The following FBXL17 variants were observed in gnomAD, a reference collection of about 807,000 sequenced individuals.
FBXL17 encodes the protein F-box and leucine rich repeat protein 17.
In FBXL17, 22 loss-of-function variants were observed where a neutral mutation model predicts 66.2. The ratio of observed to expected loss-of-function variants is 0.33; its 90% CI spans 0.24 to 0.47. The LOEUF (loss-of-function observed/expected upper bound fraction) is 0.47. Ranked by LOEUF, FBXL17 falls within the 20% of genes least tolerant of loss-of-function variation. The probability of loss-of-function intolerance (pLI) is 1.00; values close to 1 mark genes in which losing one functional copy is unlikely to be tolerated. For missense variants in FBXL17, 878 were observed against 948.2 expected (o/e 0.93, Z 0.97); for synonymous variants, 474 against 400.5 (o/e 1.18, Z -2.19).
intron 6 of FBXL17, among the ~76,000 whole-genome samples, chr5:108,100,971 A>T (rs1213009742): frequency 1.3e-5 from 2 of 152,252 alleles, no homozygotes; most frequent in African/African-American, 2.4e-5. Flanking sequence ...CAGCAAAAAA[A>T]AATTTGTGAT....
At chr5:108,099,749 T>A (rs543834825) in intron 6 of FBXL17, among the ~76,000 whole-genome samples, 2 of 152,366 alleles carry the variant, frequency 1.3e-5, no homozygotes, top group Admixed American at 1.3e-4. Context: ...TTGCCCCTGC[T>A]GTTTATCAAG....
At chr5:108,151,276 T>C (rs564850367) in intron 6 of FBXL17, among the ~76,000 whole-genome samples, 15 of 152,218 alleles carry the variant, frequency 9.9e-5, no homozygotes, top group Non-Finnish European at 2.1e-4. Context: ...AAAAAAGTCA[T>C]CCAAATACAA....
At chr5:108,351,793 C>T (rs368426111) in intron 3 of FBXL17, among the ~76,000 whole-genome samples, 6 of 152,130 alleles carry the variant, frequency 3.9e-5, no homozygotes, top group South Asian at 2.1e-4. Context: ...GCTAGAAAAA[C>T]GGAGAAATAA....
chr5:107,951,526 G>C (rs1751497667), intron 7 of FBXL17, among the ~76,000 whole-genome samples: 1 of 152,316 alleles, frequency 6.6e-6, no homozygotes, highest in South Asian at 2.1e-4. Context: ...TACCCTGCTA[G>C]ACTGAATGCC....
chr5:108,371,953 T>C (rs1749067257), intron 1 of FBXL17, among the ~76,000 whole-genome samples: 2 of 152,168 alleles, frequency 1.3e-5, no homozygotes, highest in Admixed American at 1.3e-4. Flanking sequence ...CATCCCATCA[T>C]GCTGCTGAGT....
At chr5:108,255,560 C>A (rs1040992222) in intron 4 of FBXL17, among the ~76,000 whole-genome samples, 6 of 152,052 alleles carry the variant, frequency 3.9e-5, no homozygotes, top group Admixed American at 2.0e-4. Context: ...TAACAGAATT[C>A]TTTTGGGTTC....
intron 7 of FBXL17, among the ~76,000 whole-genome samples, chr5:108,015,686 G>A (rs919298991): frequency 6.6e-6 from 1 of 152,038 alleles, no homozygotes; most frequent in African/African-American, 2.4e-5. Flanking sequence ...TGCTTGTTGG[G>A]GTTTCTTTTG....
chr5:108,142,811 C>T (rs1383801943), intron 6 of FBXL17, among the ~76,000 whole-genome samples: 2 of 151,986 alleles, frequency 1.3e-5, no homozygotes, highest in African/African-American at 2.4e-5. Flanking sequence ...AGCCTCCCGT[C>T]AGATCAGCAG....
intron 1 of FBXL17, among the ~76,000 whole-genome samples, chr5:108,368,438 T>C (rs1748814356): frequency 6.6e-6 from 1 of 152,062 alleles, no homozygotes; most frequent in African/African-American, 2.4e-5. Flanking sequence ...AGAAAGGTAC[T>C]TTACCTTTAT....
chr5:108,234,016 A>G (rs1028724991), intron 4 of FBXL17, among the ~76,000 whole-genome samples: 4 of 152,282 alleles, frequency 2.6e-5, no homozygotes, highest in African/African-American at 9.6e-5. Context: ...TAATAGGCTT[A>G]GAAAAATGCA....
chr5:108,265,966 T>A (rs1034520947), intron 4 of FBXL17, among the ~76,000 whole-genome samples: 10 of 152,186 alleles, frequency 6.6e-5, no homozygotes, highest in African/African-American at 2.4e-4. Flanking sequence ...GTTCTTCATA[T>A]ACAGAAATAC....
At chr5:108,224,426 A>G (rs1755006335) in intron 4 of FBXL17, among the ~76,000 whole-genome samples, 198 bp from the exon 5 acceptor site, 1 of 151,724 alleles carries the variant, frequency 6.6e-6, no homozygotes. Context: ...TCCACTTCTT[A>G]TCACCCCATG....
chr5:108,300,804 T>C (rs1288524453), intron 4 of FBXL17, among the ~76,000 whole-genome samples: 1 of 151,670 alleles, frequency 6.6e-6, no homozygotes, highest in Middle Eastern at 3.2e-3. Flanking sequence ...CTATATGCAA[T>C]TGTGTTATAT....
chr5:108,112,574 C>A (rs994875778), intron 6 of FBXL17, among the ~76,000 whole-genome samples: 5 of 151,956 alleles, frequency 3.3e-5, no homozygotes, highest in Admixed American at 2.0e-4. Context: ...AATTACTAGG[C>A]ATGAAAAGAA....
At chr5:108,109,597 T>C (rs921869568) in intron 6 of FBXL17, among the ~76,000 whole-genome samples, 1 of 152,198 alleles carries the variant, frequency 6.6e-6, no homozygotes, top group Admixed American at 6.5e-5. Context: ...AATACATTTG[T>C]ATGTTTTTTT....
intron 4 of FBXL17, among the ~76,000 whole-genome samples, chr5:108,335,916 G>GA (rs138748338): frequency 0.027 from 4,096 of 149,168 alleles, 169 homozygotes; most frequent in African/African-American, 0.094. Flanking sequence ...TTCTAGAGGG[G>GA]AAAAAAAAAC....
chr5:107,959,016 G>T (rs1751784354), intron 7 of FBXL17, among the ~76,000 whole-genome samples: 1 of 152,144 alleles, frequency 6.6e-6, no homozygotes, highest in African/African-American at 2.4e-5. Context: ...TTAGCATCAG[G>T]AAGTGACTTG....
chr5:108,196,114 A>C (rs1447054543), intron 5 of FBXL17, among the ~76,000 whole-genome samples: 1 of 152,100 alleles, frequency 6.6e-6, no homozygotes, highest in Non-Finnish European at 1.5e-5. Flanking sequence ...GTAGTCTTAC[A>C]ATTTATAGTG....
At chr5:108,337,499 G>A (rs891153709) in intron 4 of FBXL17, among the ~76,000 whole-genome samples, 4 of 151,908 alleles carry the variant, frequency 2.6e-5, no homozygotes, top group African/African-American at 9.7e-5. Flanking sequence ...AGACATTACC[G>A]AACTAAAACT....
Sources: allele counts gnomAD v4.1 joint callset (sites outside exome capture counted in the v4.1 genomes callset), GRCh38; gene constraint gnomAD v4.1.1; transcripts MANE v1.5; gene names NCBI Gene and HGNC (gene_info 2026-07-23, HGNC 2026-07-21).